Variants in EPG5 observed in about 807,000 individuals in gnomAD.
EPG5 encodes ectopic P granules protein 5 homolog.
In EPG5, 159 loss-of-function variants were observed where a neutral mutation model predicts 302.7. The observed-to-expected ratio is 0.53, with a 90% confidence interval of 0.46 to 0.60. The LOEUF (loss-of-function observed/expected upper bound fraction) is 0.60, where lower values mean the gene tolerates loss of function less well. EPG5 is among the 20% of genes least tolerant of loss of function. EPG5 has a pLI of 0.00. For missense variants in EPG5, 2,896 were observed against 3,092.4 expected, an observed-to-expected ratio of 0.94 and a Z score of 1.51; for synonymous variants, 1,158 against 1,136.8, an observed-to-expected ratio of 1.02 and a Z score of -0.37.
At chr18:45,868,256 C>T (rs996775896) in intron 36 of EPG5, 2 of 447,282 alleles carry the variant, frequency 4.5e-6, no homozygotes, top group Non-Finnish European at 9.0e-6. Flanking sequence ...CCAGGTAATG[C>T]TGATGCTGCT....
At chr18:45,811,641 T>C in the EPG5 span, among the ~76,000 whole-genome samples, 1 of 152,170 alleles carries the variant, frequency 6.6e-6, no homozygotes, top group Non-Finnish European at 1.5e-5. Flanking sequence ...TAATCCAGCA[T>C]ATAAACAGAA....
intron 42 of EPG5, among the ~76,000 whole-genome samples, chr18:45,857,056 C>G (rs1430482810): frequency 2.0e-5 from 3 of 151,988 alleles, no homozygotes; most frequent in African/African-American, 7.2e-5. Context: ...GTAGCTGGGA[C>G]TACAGGTGCT....
chr18:45,899,801 T>G (rs962546264), intron 26 of EPG5, among the ~76,000 whole-genome samples: 1 of 152,166 alleles, frequency 6.6e-6, no homozygotes, highest in Non-Finnish European at 1.5e-5. Context: ...GACAACTTGA[T>G]AGCCACAAAC....
intron 42 of EPG5, among the ~76,000 whole-genome samples, chr18:45,856,843 T>C (rs1267281471): frequency 6.6e-6 from 1 of 152,260 alleles, no homozygotes; most frequent in Non-Finnish European, 1.5e-5. Context: ...AATTCTTCCA[T>C]GCCTTGGGAT....
chr18:45,945,054 C>T (rs973950333), intron 7 of EPG5, among the ~76,000 whole-genome samples: 14 of 152,052 alleles, frequency 9.2e-5, no homozygotes, highest in African/African-American at 2.4e-4. Flanking sequence ...TTAAAAAGGA[C>T]GCTACCATTA....
chr18:45,954,011 T>C, intron 2 of EPG5: 2 of 710,426 alleles, frequency 2.8e-6, no homozygotes, highest in Non-Finnish European at 3.5e-6. Flanking sequence ...ACACTGTCTG[T>C]ATGTGTCTGA....
intron 16 of EPG5, among the ~76,000 whole-genome samples, chr18:45,921,272 A>C (rs1268026612): frequency 6.6e-6 from 1 of 152,236 alleles, no homozygotes; most frequent in Non-Finnish European, 1.5e-5. Context: ...AATTACACTT[A>C]CTGTGGAACA....
chr18:45,905,460 A>C (rs2049727021), intron 24 of EPG5, among the ~76,000 whole-genome samples: 1 of 152,196 alleles, frequency 6.6e-6, no homozygotes, highest in Non-Finnish European at 1.5e-5. Flanking sequence ...AATCCTGATC[A>C]CAATCCTGAA....
rs141282194 is a variant in EPG5 at position 45,880,126 on chromosome 18, G to T, written c.5616C>A (p.Thr1872=). 89 of 1,610,914 alleles carry T rather than the reference G, an allele frequency of 5.5e-5. No homozygotes were observed. The highest frequency in any genetic ancestry group is 7.2e-5 in the Non-Finnish European group (85 of 1,178,022). ...APSCQQGAAS[T]EGAVLPSSSD... ...AAGAGCTGGGAAGCACGGCGCCCTC[G>T]GTGGACGCTGCCCCCTGCTGGCAGC... Residue 1872 remains threonine, a synonymous_variant, in exon 32 of 44, where the codon ACC becomes ACA. Coordinates refer to ENST00000282041, the MANE Select transcript of EPG5 (RefSeq NM_020964.3).
At chr18:45,866,155 T>C in intron 38 of EPG5, among the ~76,000 whole-genome samples, 1 of 150,334 alleles carries the variant, frequency 6.7e-6, no homozygotes, top group Non-Finnish European at 1.5e-5. Context: ...AGTCTCACTC[T>C]GTTGCCCAGG....
At chr18:45,845,596 C>T (rs772864217), downstream of EPG5, among the ~76,000 whole-genome samples, 10 of 152,220 alleles carry the variant, frequency 6.6e-5, no homozygotes, top group Admixed American at 3.3e-4. Flanking sequence ...ACCAGAGACA[C>T]GAGCGGCAGG....
At chr18:45,922,230 A>G (rs950755006) in intron 16 of EPG5, 111 bp downstream of exon 16, 4 of 1,365,890 alleles carry the variant, frequency 2.9e-6, no homozygotes, top group Admixed American at 4.8e-5. Flanking sequence ...ATTTGGCCCA[A>G]TTGCTCCGCA....
At chr18:45,809,099 C>T in the EPG5 span, among the ~76,000 whole-genome samples, 1 of 152,074 alleles carries the variant, frequency 6.6e-6, no homozygotes, top group African/African-American at 2.4e-5. Context: ...TTCAAACAAA[C>T]TTTAAAGTGA....
intron 9 of EPG5, 54 bp from the exon 10 acceptor site, chr18:45,939,809 T>A: frequency 6.7e-7 from 1 of 1,487,434 alleles, no homozygotes; most frequent in Non-Finnish European, 9.3e-7. Flanking sequence ...TATCTGCACC[T>A]TTATATTACA....
intron 29 of EPG5, among the ~76,000 whole-genome samples, chr18:45,886,953 G>A (rs115039531): frequency 8.6e-5 from 13 of 151,832 alleles, no homozygotes; most frequent in Admixed American, 3.9e-4. Flanking sequence ...CCACCCCACC[G>A]GACCAGCACA....
At chr18:45,876,379 C>T (rs756100971) in intron 34 of EPG5, 37 bp from the exon 35 acceptor site, 5 of 1,542,546 alleles carry the variant, frequency 3.2e-6, no homozygotes, top group East Asian at 4.5e-5. Flanking sequence ...GGAATGCAAC[C>T]GTGATTAAAA....
At chr18:45,937,194 T>C (rs2050547693) in intron 10 of EPG5, among the ~76,000 whole-genome samples, 1 of 151,372 alleles carries the variant, frequency 6.6e-6, no homozygotes, top group African/African-American at 2.4e-5. Flanking sequence ...ATTCCCTATA[T>C]GGCAGACATT....
At chr18:45,855,465 C>A in intron 43 of EPG5, 108 bp downstream of exon 43, 1 of 721,438 alleles carries the variant, frequency 1.4e-6, no homozygotes, top group Admixed American at 2.5e-5. Context: ...CACTGTGCTA[C>A]CACCACAGAG....
Position 45,865,765 on chromosome 18 carries a change from CAAAAAAA to C in EPG5, c.6622-13_6622-7del, listed in dbSNP as rs11333207. The C allele has an allele frequency of 4.2e-6, 6 of 1,411,854 alleles. No homozygotes were observed. The Admixed American group carries it at 9.5e-5, about 22-fold the overall frequency. The allele number at this position is 1,411,854 out of a possible 1,614,324, so 87.5% of individuals were successfully genotyped here. ...TGGCATTTTGGAACTGCATCCTGAC[CAAAAAAA>C]AAAAAAAAAATCATTCAAATGAATC... On this transcript the variant is annotated splice_region_variant and splice_polypyrimidine_tract_variant and intron_variant, in intron 38 of 43. Transcript: ENST00000282041.
Sources: gnomAD v4.1 joint callset for allele counts (sites outside exome capture counted in the v4.1 genomes callset) on GRCh38, gnomAD v4.1.1 for gene constraint, MANE v1.5 for transcripts, NCBI Gene and HGNC (gene_info 2026-07-23, HGNC 2026-07-21) for gene names.